The following AUTS2 variants were observed in gnomAD, a reference collection of about 807,000 sequenced individuals.
AUTS2 encodes activator of transcription and developmental regulator AUTS2, also known as autism susceptibility gene 2 protein.
Under a neutral mutation model 112.4 loss-of-function variants are expected in AUTS2, and 17 were observed. The observed-to-expected ratio is 0.15, with a 90% CI of 0.10 to 0.23. The LOEUF is 0.23. AUTS2 is among the 10% of genes least tolerant of loss of function. The pLI, the probability that AUTS2 is intolerant of heterozygous loss-of-function variation, is 1.00. For missense variants in AUTS2, 1,510 were observed against 1,701.6 expected, an observed-to-expected ratio of 0.89 and a Z score of 1.98; for synonymous variants, 751 against 702.7, an observed-to-expected ratio of 1.07 and a Z score of -1.09.
chr7:69,641,523 C>T (rs1794796379), intron 1 of AUTS2, among the ~76,000 whole-genome samples: 1 of 152,198 alleles, frequency 6.6e-6, no homozygotes, highest in South Asian at 2.1e-4. Context: ...ACAGCATGGA[C>T]TGCATATTCG....
Position 70,537,969 on chromosome 7 carries a change from C to T in AUTS2, c.690+102188C>T, listed in dbSNP as rs371540635. 6.7e-4 allele frequency among the ~76,000 whole-genome samples: 102 copies of T among 152,252 alleles called. 2 individuals carry two copies. The South Asian group carries it at 0.021, about 31-fold the overall frequency. ...TGTTCTTCCAAAGAGATAAATGAGG[C>T]CAGGCATGGTGGCTCACACCTGTCA... On this transcript the variant is annotated intron_variant, in intron 5 of 18. Transcript: ENST00000342771.
chr7:69,642,080 A>C (rs1286516884), intron 1 of AUTS2, among the ~76,000 whole-genome samples: 1 of 152,230 alleles, frequency 6.6e-6, no homozygotes, highest in East Asian at 1.9e-4. Context: ...GAACTAGCAC[A>C]GTCTTCTAAT....
rs78161543 is a variant in AUTS2 at position 69,960,540 on chromosome 7, G to A, written c.522+61042G>A. On this transcript the variant is annotated intron_variant, in intron 2 of 18. Transcript: ENST00000342771. ...TATCTGTGTAATTCTGTGTATAAAGGGAGTAGGTATATGATTTGTTATATA... is the reference window on the plus strand; with the variant it reads ...TATCTGTGTAATTCTGTGTATAAAGAGAGTAGGTATATGATTTGTTATATA... 4.2e-3 allele frequency among the ~76,000 whole-genome samples: 638 copies of A among 152,218 alleles called. 8 individuals are homozygous for A. Among genetic ancestry groups the A allele is most frequent in the African/African-American group, 0.014 (598 of 41,546 alleles).
intron 5 of AUTS2, among the ~76,000 whole-genome samples, chr7:70,492,379 A>C (rs1798286032): frequency 6.6e-6 from 1 of 152,176 alleles, no homozygotes; most frequent in African/African-American, 2.4e-5. Context: ...AAAGGGCAGA[A>C]CAATTGGGGT....
intron 5 of AUTS2, among the ~76,000 whole-genome samples, chr7:70,569,911 T>G (rs532095665): frequency 1.3e-5 from 2 of 152,316 alleles, no homozygotes; most frequent in South Asian, 4.1e-4. Context: ...TCTTTTTTTT[T>G]TCTCCCAAAA....
chr7:70,731,226 G>A (rs1787364877), intron 6 of AUTS2, among the ~76,000 whole-genome samples: 1 of 151,290 alleles, frequency 6.6e-6, no homozygotes, highest in African/African-American at 2.4e-5. Flanking sequence ...GTCTTTTGAA[G>A]GACTTCTTTT....
chr7:70,252,961 C>A (rs1186000488), intron 4 of AUTS2, among the ~76,000 whole-genome samples: 1 of 152,138 alleles, frequency 6.6e-6, no homozygotes, highest in African/African-American at 2.4e-5. Context: ...TCTGCCAGTA[C>A]CATACCTTTA....
At chr7:69,898,905 T>C (rs574871943) in intron 1 of AUTS2, among the ~76,000 whole-genome samples, 7 of 152,220 alleles carry the variant, frequency 4.6e-5, no homozygotes, top group Non-Finnish European at 8.8e-5. Flanking sequence ...GCTCATTTTC[T>C]GAAACATAAT....
intron 2 of AUTS2, among the ~76,000 whole-genome samples, chr7:70,098,744 C>A (rs1311676669): frequency 2.0e-5 from 3 of 150,730 alleles, no homozygotes; most frequent in Non-Finnish European, 4.4e-5. Context: ...CTCTTGTTGC[C>A]CAGGCTGGAG....
At chr7:70,070,285 T>C (rs1802693896) in intron 2 of AUTS2, among the ~76,000 whole-genome samples, 1 of 151,900 alleles carries the variant, frequency 6.6e-6, no homozygotes, top group African/African-American at 2.4e-5. Context: ...AAACAGAAAG[T>C]ATTTCAATGG....
intron 1 of AUTS2, among the ~76,000 whole-genome samples, chr7:69,866,446 C>G (rs1014524602): frequency 6.6e-6 from 1 of 152,084 alleles, no homozygotes; most frequent in South Asian, 2.1e-4. Flanking sequence ...CTTTGTTGCT[C>G]TAGGTATAAA....
chr7:70,587,730 G>C (rs908487685), intron 5 of AUTS2, among the ~76,000 whole-genome samples: 3 of 152,160 alleles, frequency 2.0e-5, no homozygotes, highest in Non-Finnish European at 4.4e-5. Flanking sequence ...CATTTTTGTA[G>C]GTCAAAAACA....
At chr7:70,525,815 G>A (rs963799751) in intron 5 of AUTS2, among the ~76,000 whole-genome samples, 2 of 152,204 alleles carry the variant, frequency 1.3e-5, no homozygotes, top group Non-Finnish European at 2.9e-5. Context: ...CTGGAGGAGG[G>A]CACTCGAGTG....
rs542408829 is a variant in AUTS2, at chr7:70,073,153, A to G, written c.523-44979A>G. 2.0e-5 allele frequency among the ~76,000 whole-genome samples: 3 copies of G among 148,998 alleles called. No individual in the cohort carries two copies. In the South Asian group the frequency reaches 6.5e-4, roughly 32 times the overall value. ...CCCCTTCACTTCCTCTTCCTTTGCA[A>G]TGCTTTAGGCTGCCCAAAAGGTTCT... On this transcript the variant is annotated intron_variant, in intron 2 of 18. Coordinates refer to ENST00000342771, the MANE Select transcript of AUTS2 (RefSeq NM_015570.4).
At chr7:70,178,402 C>G (rs1809111054) in intron 4 of AUTS2, among the ~76,000 whole-genome samples, 1 of 152,032 alleles carries the variant, frequency 6.6e-6, no homozygotes, top group Non-Finnish European at 1.5e-5. Flanking sequence ...CTATAACTTT[C>G]TGTTGAAATA....
intron 1 of AUTS2, among the ~76,000 whole-genome samples, chr7:69,795,891 C>T (rs1363567128): frequency 6.6e-6 from 1 of 152,148 alleles, no homozygotes. Context: ...CGTTATAAAC[C>T]AGGACCCAAT....
intron 6 of AUTS2, 45 bp downstream of exon 6, chr7:70,698,665 A>C: frequency 7.1e-7 from 1 of 1,408,258 alleles, no homozygotes; most frequent in Admixed American, 1.9e-5. Flanking sequence ...TTTTTATGTT[A>C]GTTTCATTGT....
intron 4 of AUTS2, among the ~76,000 whole-genome samples, chr7:70,326,260 C>T (rs1236998716): frequency 2.6e-5 from 4 of 152,176 alleles, no homozygotes; most frequent in Non-Finnish European, 5.9e-5. Flanking sequence ...AGGCTTTTTA[C>T]CCACTTCCAG....
chr7:69,715,467 G>T (rs1434928135), intron 1 of AUTS2, among the ~76,000 whole-genome samples: 1 of 152,132 alleles, frequency 6.6e-6, no homozygotes, highest in Non-Finnish European at 1.5e-5. Context: ...CAGATCCTTG[G>T]TTCACAGACA....
Sources: gnomAD v4.1 joint callset for allele counts (sites outside exome capture counted in the v4.1 genomes callset) on GRCh38, gnomAD v4.1.1 for gene constraint, MANE v1.5 for transcripts, NCBI Gene and HGNC (gene_info 2026-07-23, HGNC 2026-07-21) for gene names.